KCNT1: variants seen among roughly 807,000 people sequenced by gnomAD.
The protein encoded by KCNT1 is potassium sodium-activated channel subfamily T member 1.
KCNT1 carries 78 observed loss-of-function variants against 147.8 expected under a neutral mutation model. The observed-to-expected ratio is 0.53, with a 90% CI of 0.44 to 0.64. The LOEUF is 0.64. Among genes scored for constraint, KCNT1 ranks in the 30% least tolerant of loss-of-function variants. The pLI is 0.00. For missense variants in KCNT1, 1,419 were observed against 1,750.3 expected (o/e 0.81, Z 3.38); for synonymous variants, 867 against 748.8 (o/e 1.16, Z -2.58).
At chr9:135,786,607 C>T in intron 29 of KCNT1, 86 bp downstream of exon 29, 1 of 1,277,580 alleles carries the variant, frequency 7.8e-7, no homozygotes, top group East Asian at 2.8e-5. Context: ...CCACGGCGTC[C>T]CGGGGCCCGG....
At position 135,777,522 on chromosome 9, in the gene KCNT1, G is replaced by A. The variant is rs781315381; in HGVS notation, c.2522+12G>A. 10 of 1,610,540 alleles carry A rather than the reference G, an allele frequency of 6.2e-6. No homozygotes were observed. Among genetic ancestry groups the A allele is most frequent in the Non-Finnish European group, 8.5e-6 (10 of 1,179,000 alleles). ...CTGCTGGACAACAAGTGAGGCTCCT[G>A]GGGCTCAGCCCACCCCGCCCACCCG... On this transcript the variant is annotated intron_variant, in intron 21 of 30. Coordinates refer to ENST00000371757, the MANE Select transcript of KCNT1 (RefSeq NM_020822.3).
chr9:135,744,090 C>T (rs991385025), intron 2 of KCNT1, among the ~76,000 whole-genome samples: 1 of 152,260 alleles, frequency 6.6e-6, no homozygotes, highest in African/African-American at 2.4e-5. Context: ...GCAGCTCGGA[C>T]CTCGGCCCCA....
At chr9:135,713,697 G>A (rs967134200) in intron 1 of KCNT1, among the ~76,000 whole-genome samples, 2 of 152,172 alleles carry the variant, frequency 1.3e-5, no homozygotes, top group African/African-American at 4.8e-5. Context: ...TTGAACAAGG[G>A]CCGGCCTGGG....
chr9:135,720,337 G>GCCCTCCGAGCCCTCATCTGTCAT (rs1835875234), intron 2 of KCNT1, among the ~76,000 whole-genome samples: 1 of 152,034 alleles, frequency 6.6e-6, no homozygotes, highest in Non-Finnish European at 1.5e-5. Flanking sequence ...GAACAGCCCT[G>GCCCTCCGAGCCCTCATCTGTCAT]CCCTCCGAGC....
intron 10 of KCNT1, 90 bp downstream of exon 10, chr9:135,758,598 G>A: frequency 4.7e-6 from 5 of 1,057,532 alleles, no homozygotes; most frequent in East Asian, 2.4e-5. Context: ...AGATGCCTAT[G>A]TCCAAGCTAT....
intron 2 of KCNT1, among the ~76,000 whole-genome samples, chr9:135,734,710 G>A (rs562732071): frequency 6.6e-6 from 1 of 152,286 alleles, no homozygotes; most frequent in South Asian, 2.1e-4. Context: ...GCCCCGGGTG[G>A]GCGCGCGCGT....
intron 26 of KCNT1, 68 bp downstream of exon 26, chr9:135,784,686 C>T: frequency 6.2e-7 from 1 of 1,608,322 alleles, no homozygotes; most frequent in Non-Finnish European, 8.5e-7. Context: ...TGGGCACCTG[C>T]CCCTGATTCA....
chr9:135,732,024 A>AGGGAGAGAGAGAGAGAGG (rs1554766181), intron 2 of KCNT1, among the ~76,000 whole-genome samples: 1 of 65,084 alleles, frequency 1.5e-5, no homozygotes, highest in East Asian at 6.1e-4. Flanking sequence ...AGAGAGAGAG[A>AGGGAGAGAGAGAGAGAGG]GAGAGAGAGA....
At chr9:135,734,049 A>G (rs1830234567) in intron 2 of KCNT1, among the ~76,000 whole-genome samples, 2 of 151,460 alleles carry the variant, frequency 1.3e-5, no homozygotes, top group South Asian at 4.2e-4. Flanking sequence ...CCGCAGTCCC[A>G]CTCAGCTCGC....
At chr9:135,779,862 A>G (rs1833481331) in intron 24 of KCNT1, among the ~76,000 whole-genome samples, 1 of 152,234 alleles carries the variant, frequency 6.6e-6, no homozygotes, top group Non-Finnish European at 1.5e-5. Context: ...CTTAGTACAG[A>G]TAACGCACAC....
At chr9:135,784,228 T>A in intron 25 of KCNT1, 103 bp downstream of exon 25, 1 of 914,150 alleles carries the variant, frequency 1.1e-6, no homozygotes, top group Non-Finnish European at 1.8e-6. Context: ...GGACTCCCTC[T>A]GAATGACCTT....
rs184068425 is a variant in KCNT1 at position 135,735,277 on chromosome 9, C to T, written c.255-14821C>T. On this transcript the variant is annotated intron_variant, in intron 2 of 30. Transcript: ENST00000371757. ...AGGGCGCTAGGGCAGGTATCGGGAG[C>T]GCCAGTGAGTTGGTCATTTTCTGAG... 6.2e-4 allele frequency among the ~76,000 whole-genome samples: 94 copies of T among 152,282 alleles called. 1 individual carries two copies. Among genetic ancestry groups the T allele is most frequent in the African/African-American group, 1.6e-3 (66 of 41,546 alleles).
At chr9:135,764,679 G>T (rs548745344) in intron 11 of KCNT1, among the ~76,000 whole-genome samples, 2 of 152,222 alleles carry the variant, frequency 1.3e-5, no homozygotes, top group Admixed American at 1.3e-4. Flanking sequence ...CGAGTGCCTG[G>T]AAGACCGGGG....
intron 29 of KCNT1, chr9:135,788,276 C>T: frequency 1.1e-6 from 1 of 895,092 alleles, no homozygotes; most frequent in Non-Finnish European, 1.8e-6. Flanking sequence ...GCTGTGAGAG[C>T]ACGTCCCAGG....
At chr9:135,773,506 G>A (rs1832903162) in intron 19 of KCNT1, among the ~76,000 whole-genome samples, 1 of 152,256 alleles carries the variant, frequency 6.6e-6, no homozygotes, top group Non-Finnish European at 1.5e-5. Context: ...CAGTGTCCCA[G>A]CCTGGAAACC....
intron 28 of KCNT1, chr9:135,785,739 A>C: frequency 2.2e-6 from 1 of 452,546 alleles, no homozygotes; most frequent in Non-Finnish European, 4.1e-6. Context: ...CTGGCACCCC[A>C]CGTTCCCCAG....
Position 135,765,178 on chromosome 9 carries a change from G to A in KCNT1, c.1183G>A (p.Ala395Thr), listed in dbSNP as rs1832174592. 1.9e-6 allele frequency: 3 copies of A among 1,612,194 alleles called. No homozygotes were observed. The highest frequency in any genetic ancestry group is 2.5e-6 in the Non-Finnish European group (3 of 1,179,032). Residue 395 changes from alanine (A) to threonine (T), a missense_variant, in exon 12 of 31, where the codon GCC (alanine) becomes ACC (threonine). Ala to Thr is a moderately conservative substitution (Grantham distance 58, BLOSUM62 0). Coordinates refer to ENST00000371757, the MANE Select transcript of KCNT1 (RefSeq NM_020822.3). ...LLMDFLNEFY[A>T]HPRLQDYYVV... The stretch of plus-strand genomic sequence containing the variant: ...CATGGACTTCCTGAACGAGTTCTAC[G>A]CCCACCCCCGGCTCCAGGTGAGGCC...
chr9:135,747,484 C>T (rs1329328631), intron 2 of KCNT1, among the ~76,000 whole-genome samples: 4 of 152,080 alleles, frequency 2.6e-5, no homozygotes, highest in Non-Finnish European at 5.9e-5. Flanking sequence ...CCCTGCCTGC[C>T]CCCCTGACAT....
At chr9:135,707,691 A>G (rs570470862) in intron 1 of KCNT1, among the ~76,000 whole-genome samples, 2,162 of 152,252 alleles carry the variant, frequency 0.014, 31 homozygotes, top group Non-Finnish European at 0.021. Flanking sequence ...GCCCAAGCCC[A>G]GGCTTCTGCC....
Sources: gnomAD v4.1 joint callset for allele counts (sites outside exome capture counted in the v4.1 genomes callset) on GRCh38, gnomAD v4.1.1 for gene constraint, MANE v1.5 for transcripts, NCBI Gene and HGNC (gene_info 2026-07-23, HGNC 2026-07-21) for gene names.